Variants in DSCAM observed in about 807,000 individuals in gnomAD.
The protein encoded by DSCAM is cell adhesion molecule DSCAM.
In DSCAM, 47 loss-of-function variants were observed where a neutral mutation model predicts 217.7. The ratio of observed to expected loss-of-function variants is 0.22; its 90% confidence interval spans 0.17 to 0.28. DSCAM has a LOEUF of 0.28. Ranked by LOEUF, DSCAM falls within the 10% of genes least tolerant of loss-of-function variation. The pLI, the probability that DSCAM is intolerant of heterozygous loss-of-function variation, is 1.00. For synonymous variants in DSCAM, 1,056 were observed against 1,015.3 expected, an observed-to-expected ratio of 1.04 and a Z score of -0.76; for missense variants, 2,080 against 2,618.3, an observed-to-expected ratio of 0.79 and a Z score of 4.49.
intron 3 of DSCAM, among the ~76,000 whole-genome samples, chr21:40,642,116 G>A (rs2089890170): frequency 6.6e-6 from 1 of 151,950 alleles, no homozygotes; most frequent in African/African-American, 2.4e-5. Flanking sequence ...TCAAGGCTCA[G>A]AGAGGGTAAA....
intron 20 of DSCAM, among the ~76,000 whole-genome samples, chr21:40,095,169 T>C (rs534812340): frequency 4.9e-4 from 75 of 152,280 alleles, no homozygotes; most frequent in African/African-American, 1.8e-3. Context: ...CAAAAGGGGT[T>C]CCCCCTTGTA....
chr21:40,070,457 A>G (rs1327196371), intron 27 of DSCAM, among the ~76,000 whole-genome samples: 1 of 152,210 alleles, frequency 6.6e-6, no homozygotes, highest in African/African-American at 2.4e-5. Flanking sequence ...GAAAGAAAGA[A>G]AACACAAAGC....
intron 3 of DSCAM, among the ~76,000 whole-genome samples, chr21:40,509,829 T>C (rs1276506875): frequency 6.6e-6 from 1 of 152,200 alleles, no homozygotes; most frequent in Non-Finnish European, 1.5e-5. Context: ...TTGATCTTTC[T>C]CTAAAAGAAT....
intron 3 of DSCAM, among the ~76,000 whole-genome samples, chr21:40,673,684 C>T (rs1385188976): frequency 6.6e-6 from 1 of 152,108 alleles, no homozygotes; most frequent in East Asian, 1.9e-4. Context: ...TTAGCACTAT[C>T]CACAATATTT....
intron 4 of DSCAM, 69 bp from the exon 5 acceptor site, chr21:40,353,812 C>A: frequency 7.4e-7 from 1 of 1,347,846 alleles, no homozygotes; most frequent in Non-Finnish European, 9.7e-7. Flanking sequence ...AATTGTAGGA[C>A]TTCATGTATA....
chr21:40,595,771 A>G (rs927784054), intron 3 of DSCAM, among the ~76,000 whole-genome samples: 35 of 152,274 alleles, frequency 2.3e-4, no homozygotes, highest in African/African-American at 8.4e-4. Flanking sequence ...CATTTTTAAA[A>G]GAAAGGAAAA....
At chr21:40,255,815 A>G (rs957837820) in intron 11 of DSCAM, among the ~76,000 whole-genome samples, 7 of 152,206 alleles carry the variant, frequency 4.6e-5, no homozygotes, top group African/African-American at 1.7e-4. Context: ...GCAGGGAAGC[A>G]GCGATGTCTG....
intron 3 of DSCAM, among the ~76,000 whole-genome samples, chr21:40,443,913 G>C (rs1361763085): frequency 6.6e-6 from 1 of 152,180 alleles, no homozygotes; most frequent in African/African-American, 2.4e-5. Context: ...TTTATGTCAA[G>C]CTTTCTGGCT....
chr21:40,409,015 T>C (rs1024604862), intron 3 of DSCAM, among the ~76,000 whole-genome samples: 1 of 152,214 alleles, frequency 6.6e-6, no homozygotes, highest in Non-Finnish European at 1.5e-5. Context: ...AAATATTTAT[T>C]TGGATAACAA....
intron 1 of DSCAM, among the ~76,000 whole-genome samples, chr21:40,728,431 T>A (rs922481931): frequency 2.0e-5 from 3 of 151,962 alleles, no homozygotes; most frequent in Non-Finnish European, 2.9e-5. Context: ...TTTTTTTTTT[T>A]ATTTTGAGAC....
chr21:40,569,208 T>C (rs2837711), intron 3 of DSCAM, among the ~76,000 whole-genome samples: 68,122 of 152,022 alleles, frequency 0.45, 16,148 homozygotes, highest in Admixed American at 0.55. Flanking sequence ...TTCCTTACAG[T>C]TTATTCTTTA....
intron 27 of DSCAM, 74 bp from the exon 28 acceptor site, chr21:40,062,973 C>G: frequency 7.3e-7 from 1 of 1,363,326 alleles, no homozygotes; most frequent in Non-Finnish European, 1.0e-6. Flanking sequence ...ATGACAAATA[C>G]TCTACAGTCA....
At chr21:40,213,855 A>G (rs2091211848) in intron 11 of DSCAM, among the ~76,000 whole-genome samples, 1 of 152,208 alleles carries the variant, frequency 6.6e-6, no homozygotes, top group Non-Finnish European at 1.5e-5. Flanking sequence ...TGTCCAGGGA[A>G]CAGGGCTCTT....
At chr21:40,022,270 C>T (rs2088286300) in intron 32 of DSCAM, among the ~76,000 whole-genome samples, 1 of 152,158 alleles carries the variant, frequency 6.6e-6, no homozygotes, top group African/African-American at 2.4e-5. Flanking sequence ...GAGGGTGACA[C>T]TATTGATACC....
chr21:40,321,697 G>A (rs1228296586), intron 8 of DSCAM, among the ~76,000 whole-genome samples: 2 of 148,244 alleles, frequency 1.3e-5, no homozygotes, highest in Non-Finnish European at 3.0e-5. Context: ...AAACATTGCT[G>A]CGAGCATTTA....
chr21:40,023,288 T>G (rs1370635940), intron 32 of DSCAM, among the ~76,000 whole-genome samples: 1 of 152,184 alleles, frequency 6.6e-6, no homozygotes, highest in African/African-American at 2.4e-5. Context: ...TTTGGGTTGG[T>G]TCCAAGTCTT....
At chr21:40,397,572 C>T (rs768232956) in intron 3 of DSCAM, among the ~76,000 whole-genome samples, 11 of 152,086 alleles carry the variant, frequency 7.2e-5, no homozygotes, top group Non-Finnish European at 1.2e-4. Flanking sequence ...ATTACCCAGT[C>T]TCAGGTATTT....
chr21:40,247,434 G>A (rs2073241497), intron 11 of DSCAM, among the ~76,000 whole-genome samples: 1 of 152,174 alleles, frequency 6.6e-6, no homozygotes, highest in Non-Finnish European at 1.5e-5. Context: ...TACAGGCATT[G>A]GGGAAATATA....
At position 40,464,999 on chromosome 21, in the gene DSCAM, G is replaced by A. The variant is rs144153969; in HGVS notation, c.509-95754C>T. On this transcript the variant is annotated intron_variant, in intron 3 of 32. Transcript: ENST00000400454. ...CATGATCCGCCTGCCTTGGCCTCCCGAAGTGCTGGGATTACAGGTGTGAGC... is the reference window on the plus strand; with the variant it reads ...CATGATCCGCCTGCCTTGGCCTCCCAAAGTGCTGGGATTACAGGTGTGAGC... Among the ~76,000 whole-genome samples the A allele has an allele frequency of 6.0e-3, 917 of 152,022 alleles. 15 individuals carry two copies. In the South Asian group the frequency reaches 0.067, roughly 11 times the overall value.
Sources: gnomAD v4.1 joint callset for allele counts (sites outside exome capture counted in the v4.1 genomes callset) on GRCh38, gnomAD v4.1.1 for gene constraint, MANE v1.5 for transcripts, NCBI Gene and HGNC (gene_info 2026-07-23, HGNC 2026-07-21) for gene names.